STAB1: variants seen among roughly 807,000 people sequenced by gnomAD.
STAB1 encodes the protein stabilin-1.
In STAB1, 250 loss-of-function variants were observed where a neutral mutation model predicts 332.4. The ratio of observed to expected loss-of-function variants is 0.75; its 90% CI spans 0.68 to 0.84. STAB1 has a LOEUF of 0.84. STAB1 is among the 40% of genes least tolerant of loss of function. The probability of loss-of-function intolerance (pLI) is 0.00; values close to 1 mark genes in which losing one functional copy is unlikely to be tolerated. For synonymous variants in STAB1, 1,475 were observed against 1,390.4 expected, an observed-to-expected ratio of 1.06 and a Z score of -1.35; for missense variants, 3,249 against 3,489.7, an observed-to-expected ratio of 0.93 and a Z score of 1.74.
chr3:52,508,603 C>A, intron 21 of STAB1: 1 of 479,496 alleles, frequency 2.1e-6, no homozygotes. Flanking sequence ...GGGCAGATCA[C>A]TTGAGGTCAG....
Position 52,513,174 on chromosome 3 carries a change from G to A in STAB1, c.3203G>A (p.Arg1068Gln), listed in dbSNP as rs377541202. Reference sequence around the variant, plus strand: ...GCCCTCTTCGAGGAGGAGCTGGCCCGGCTGGGTGGGCAGGAAGTGGCCACC... The same window carrying A: ...GCCCTCTTCGAGGAGGAGCTGGCCCAGCTGGGTGGGCAGGAAGTGGCCACC... ...QGALFEEELA[R>Q]LGGQEVATLN... Residue 1068 changes from arginine to glutamine, a missense_variant, in exon 30 of 69, where the codon CGG becomes CAG. Coordinates refer to ENST00000321725, the MANE Select transcript of STAB1 (RefSeq NM_015136.3). 155 of 1,583,920 alleles carry A rather than the reference G, an allele frequency of 9.8e-5. No individual in the cohort carries two copies. Among genetic ancestry groups the A allele is most frequent in the African/African-American group, 9.4e-4 (70 of 74,790 alleles).
chr3:52,502,267 A>C, intron 5 of STAB1, 39 bp downstream of exon 5: 1 of 1,598,002 alleles, frequency 6.3e-7, no homozygotes, highest in Non-Finnish European at 8.5e-7. Context: ...GCCAGCGTCC[A>C]CCTGGGGGCC....
In STAB1 at chr3:52,507,942, C is replaced by A. The variant is rs1708998253; in HGVS notation, c.2064C>A (p.Pro688=). Residue 688 remains proline (P), a synonymous_variant, in exon 20 of 69, where the codon CCC becomes CCA. Transcript: ENST00000321725. ...PPNSVKLDIF[P]KECVYIHDPT... is the part of the protein sequence containing the mutation. ...ATGGCCCACCCTAGGACATCTTCCC[C>A]AAGGAGTGTGTCTACATCCATGACC... is the stretch of plus-strand genomic sequence containing the variant. 6.2e-7 allele frequency: 1 copy of A among 1,613,368 alleles called. No individual in the cohort carries two copies. The highest frequency in any genetic ancestry group is 8.5e-7 in the Non-Finnish European group (1 of 1,179,908).
intron 27 of STAB1, 35 bp from the exon 28 acceptor site, chr3:52,512,560 CT>C: frequency 1.9e-6 from 3 of 1,613,886 alleles, no homozygotes; most frequent in Non-Finnish European, 2.5e-6. Context: ...GAATTTGCCC[CT>C]GGTCCTGTGA....
rs557916261 is a variant in STAB1 at position 52,521,427 on chromosome 3, G to C, written c.5975G>C (p.Ser1992Thr). Residue 1992 changes from serine (S) to threonine (T), a missense_variant, in exon 56 of 69, where the codon AGT becomes ACT. Coordinates refer to ENST00000321725, the MANE Select transcript of STAB1 (RefSeq NM_015136.3). The part of the protein sequence containing the change: ...RGVCMDGMSG[S>T]GQCLCRSGFA... ...GTGTGCATGGACGGCATGAGTGGCA[G>C]TGGGCAGTGTCTGTGCCGTTCAGGT... 5.1e-5 allele frequency: 83 copies of C among 1,614,058 alleles called. No homozygotes were observed. In the East Asian group the frequency reaches 1.8e-3, roughly 34 times the overall value.
chr3:52,513,269 G>C, intron 30 of STAB1, 28 bp downstream of exon 30: 1 of 1,546,876 alleles, frequency 6.5e-7, no homozygotes, highest in Non-Finnish European at 8.7e-7. Context: ...GGCAGAAAAG[G>C]GGACCAGGTA....
chr3:52,506,667 T>G, intron 17 of STAB1, 25 bp from the exon 18 acceptor site: 1 of 1,589,824 alleles, frequency 6.3e-7, no homozygotes, highest in Non-Finnish European at 8.6e-7. Context: ...AGGCTGGGGG[T>G]TGGCTCAGTG....
chr3:52,523,798 C>T, intron 66 of STAB1, 42 bp downstream of exon 66: 1 of 1,588,356 alleles, frequency 6.3e-7, no homozygotes, highest in Non-Finnish European at 8.6e-7. Context: ...CCTGGCACCC[C>T]CACAACCTGT....
In STAB1 at chr3:52,522,085, A is replaced by G. The variant is rs1009901037; in HGVS notation, c.6320A>G (p.Asn2107Ser). ...DGHGGCSEHANCSQVGTMVTC... is the reference protein window; with the variant it reads ...DGHGGCSEHASCSQVGTMVTC... ...CATGGTGGCTGCAGTGAGCACGCCAACTGTAGCCAGGTAGGAACAATGGTC... is the reference window on the plus strand; with the variant it reads ...CATGGTGGCTGCAGTGAGCACGCCAGCTGTAGCCAGGTAGGAACAATGGTC... Residue 2107 changes from asparagine to serine, a missense_variant, in exon 59 of 69, where the codon AAC becomes AGC. Physicochemically the swap from Asn to Ser is conservative, Grantham distance 46. Transcript: ENST00000321725. 1 of 1,613,234 alleles carries G rather than the reference A, an allele frequency of 6.2e-7. No individual in the cohort carries two copies. Among genetic ancestry groups the G allele is most frequent in the Non-Finnish European group, 8.5e-7 (1 of 1,180,012 alleles).
At position 52,519,998 on chromosome 3, in the gene STAB1, C is replaced by A; in HGVS notation, c.5290C>A (p.Leu1764Met). The change falls in exon 51 of 69, where the codon CTG becomes ATG. Residue 1764 changes from leucine to methionine, a missense_variant. Leu to Met is a conservative substitution (Grantham distance 15, BLOSUM62 2). Coordinates refer to ENST00000321725, the MANE Select transcript of STAB1 (RefSeq NM_015136.3). ...GGCATCCCATAGGCCCTTCACAATG[C>A]TGTGGCCCACAGACGCCGCCTTTCG... ...REASHRPFTM[L>M]WPTDAAFRAL... 3 of 1,611,746 alleles carry A rather than the reference C, an allele frequency of 1.9e-6. No individual in the cohort carries two copies. Among genetic ancestry groups the A allele is most frequent in the Non-Finnish European group, 2.5e-6 (3 of 1,179,606 alleles).
chr3:52,520,950 C>A lies in STAB1; in HGVS notation c.5853C>A (p.Val1951=). Residue 1951 remains valine (V), a synonymous_variant, in exon 55 of 69, where the codon GTC becomes GTA. Transcript: ENST00000321725. ...GLGRGCHRNC[V]TTTWKPSCCP... is the part of the protein sequence containing the mutation. Reference sequence around the variant, plus strand: ...GCAGGGGCTGCCACCGCAATTGTGTCACCACCACCTGGAAGCCCAGCTGCT... The same window carrying A: ...GCAGGGGCTGCCACCGCAATTGTGTAACCACCACCTGGAAGCCCAGCTGCT... 1.3e-6 allele frequency: 2 copies of A among 1,585,278 alleles called. No homozygotes were observed. Among genetic ancestry groups the A allele is most frequent in the Non-Finnish European group, 1.7e-6 (2 of 1,165,642 alleles).
rs1460860119 is a variant in STAB1 at position 52,521,016 on chromosome 3, C to A, written c.5908+11C>A. ...GCAGTGAGTGCCAAGGTGAGCATTG[C>A]AGACACTGTTGACTAGCTCCTCTGT... On this transcript the variant is annotated intron_variant, in intron 55 of 68. Coordinates refer to ENST00000321725, the MANE Select transcript of STAB1 (RefSeq NM_015136.3). 2.6e-6 allele frequency: 4 copies of A among 1,527,960 alleles called. No individual in the cohort carries two copies. Among genetic ancestry groups the A allele is most frequent in the Non-Finnish European group, 3.5e-6 (4 of 1,139,624 alleles). 94.7% of individuals were successfully genotyped at this position (1,527,960 alleles called of 1,614,324 possible). A position where few individuals can be genotyped will look rare whatever the true frequency, so the allele number is the denominator to read the frequency against.
At chr3:52,513,103 T>C in intron 29 of STAB1, 27 bp from the exon 30 acceptor site, 1 of 1,555,176 alleles carries the variant, frequency 6.4e-7, no homozygotes, top group Non-Finnish European at 8.7e-7. Flanking sequence ...CCTGATTCCA[T>C]GACCCCCCTA....
rs778735459 is a variant in STAB1, at chr3:52,514,378, T to A, written c.3560T>A (p.Val1187Glu). The change falls in exon 34 of 69, where the codon GTG becomes GAG. Residue 1187 changes from valine (V) to glutamate (E), a missense_variant. By Grantham distance (121) the Val-to-Glu change is moderately radical. Transcript: ENST00000321725. ...GNSSHLDADT[V>E]RHHVVLGEAL... is the part of the protein sequence containing the mutation. ...CTTCTCTTCCAGGACGCAGACACAG[T>A]GCGGCACCATGTGGTCCTGGGGGAG... 1.9e-6 allele frequency: 3 copies of A among 1,547,732 alleles called. No homozygotes were observed. Among genetic ancestry groups the A allele is most frequent in the Non-Finnish European group, 2.6e-6 (3 of 1,146,682 alleles).
At chr3:52,507,895 C>T in intron 19 of STAB1, 36 bp from the exon 20 acceptor site, 1 of 1,597,512 alleles carries the variant, frequency 6.3e-7, no homozygotes. Context: ...GCCCAGAACC[C>T]ACACCCACTG....
At chr3:52,518,136 T>A in intron 45 of STAB1, 133 bp downstream of exon 45, 1 of 1,492,366 alleles carries the variant, frequency 6.7e-7, no homozygotes, top group South Asian at 1.3e-5. Context: ...CCCCTGATTG[T>A]ACCTGGGCCT....
At chr3:52,500,907 C>T (rs1189203942) in intron 1 of STAB1, among the ~76,000 whole-genome samples, 1 of 152,186 alleles carries the variant, frequency 6.6e-6, no homozygotes, top group Non-Finnish European at 1.5e-5. Flanking sequence ...CATAAGGACT[C>T]GATGTGACAT....
chr3:52,518,253 C>G, intron 45 of STAB1, 59 bp from the exon 46 acceptor site: 3 of 1,602,812 alleles, frequency 1.9e-6, no homozygotes, highest in Non-Finnish European at 2.6e-6. Context: ...GGTGCTGGGA[C>G]AGGCACCAGG....
intron 18 of STAB1, 59 bp downstream of exon 18, chr3:52,506,909 G>A: frequency 6.3e-7 from 1 of 1,585,074 alleles, no homozygotes; most frequent in Non-Finnish European, 8.6e-7. Context: ...CGCTGGAGCG[G>A]CAATCCTCTT....
Sources: gnomAD v4.1 joint callset for allele counts (sites outside exome capture counted in the v4.1 genomes callset) on GRCh38, gnomAD v4.1.1 for gene constraint, MANE v1.5 for transcripts, NCBI Gene and HGNC (gene_info 2026-07-23, HGNC 2026-07-21) for gene names.